HACD3: variants seen among roughly 807,000 people sequenced by gnomAD.
HACD3 encodes very-long-chain (3R)-3-hydroxyacyl-CoA dehydratase 3.
Under a neutral mutation model 55.2 loss-of-function variants are expected in HACD3, and 30 were observed. The observed-to-expected ratio is 0.54, with a 90% CI of 0.41 to 0.74. The LOEUF is 0.74. Ranked by LOEUF, HACD3 falls within the 30% of genes least tolerant of loss-of-function variation. The pLI is 0.00. For synonymous variants in HACD3, 141 were observed against 151.7 expected (o/e 0.93, Z 0.52); for missense variants, 363 against 440.1 (o/e 0.82, Z 1.57).
At chr15:65,574,087 T>C (rs558660133) in intron 10 of HACD3, among the ~76,000 whole-genome samples, 1 of 152,316 alleles carries the variant, frequency 6.6e-6, no homozygotes, top group South Asian at 2.1e-4. Flanking sequence ...TCTATTGCTG[T>C]GTAACAAATG....
intron 2 of HACD3, among the ~76,000 whole-genome samples, chr15:65,552,403 T>G (rs1289190611): frequency 2.0e-5 from 3 of 152,200 alleles, no homozygotes; most frequent in African/African-American, 7.2e-5. Context: ...TGGCATGATT[T>G]CGGCTCACTG....
intron 1 of HACD3, among the ~76,000 whole-genome samples, chr15:65,549,165 C>A (rs352453): frequency 0.95 from 144,683 of 152,314 alleles, 68,715 homozygotes; most frequent in Admixed American, 0.96. Context: ...AAAGTTAACA[C>A]GGTAGAAATG....
intron 1 of HACD3, among the ~76,000 whole-genome samples, chr15:65,544,163 C>G (rs1406314769): frequency 6.6e-6 from 1 of 151,774 alleles, no homozygotes; most frequent in Admixed American, 6.6e-5. Flanking sequence ...GGTGACAGAG[C>G]GGGACTCCAT....
Position 65,578,203 on chromosome 15 carries a change from G to C in HACD3, c.*1824G>C, listed in dbSNP as rs917181335. ...TTCTGATATTCTTGCAGCTGACTAC[G>C]TGTAATTGGGCAGATCAGCTTTGCA... is the stretch of plus-strand genomic sequence containing the variant. On this transcript the variant is annotated 3_prime_UTR_variant, in exon 11 of 11. Transcript: ENST00000261875. 1 of 152,290 alleles carries C rather than the reference G, an allele frequency of 6.6e-6. No individual in the cohort carries two copies. The highest frequency in any genetic ancestry group is 2.1e-4 in the South Asian group (1 of 4,832). The allele number at this position is 152,290 out of a possible 1,614,324, so 9.4% of individuals were successfully genotyped here. A position where few individuals can be genotyped will look rare whatever the true frequency, so the allele number is the denominator to read the frequency against.
intron 6 of HACD3, 72 bp downstream of exon 6, chr15:65,562,956 T>C: frequency 6.4e-7 from 1 of 1,571,246 alleles, no homozygotes; most frequent in Non-Finnish European, 8.7e-7. Context: ...AAGGGAGCAC[T>C]CTCTGCCTTT....
chr15:65,531,551 CTTTCTTTCT>C (rs1001187808), intron 1 of HACD3: 3 of 37,386 alleles, frequency 8.0e-5, no homozygotes, highest in African/African-American at 1.3e-4. Flanking sequence ...TTCTTTCTTT[CTTTCTTTCT>C]TTTTTTTTCT....
At chr15:65,572,437 A>G (rs1333242595) in intron 10 of HACD3, 71 bp downstream of exon 10, 4 of 1,418,712 alleles carry the variant, frequency 2.8e-6, no homozygotes, top group Non-Finnish European at 3.8e-6. Context: ...TCATTCAGAA[A>G]TGTAAAAGTC....
intron 6 of HACD3, 31 bp downstream of exon 6, chr15:65,562,915 C>G (rs968152551): frequency 1.2e-6 from 2 of 1,608,616 alleles, no homozygotes; most frequent in Admixed American, 1.7e-5. Context: ...TTAATTTTCC[C>G]TTTCTCAGTA....
chr15:65,554,208 T>C (rs2072164018), intron 2 of HACD3, among the ~76,000 whole-genome samples: 1 of 152,300 alleles, frequency 6.6e-6, no homozygotes, highest in South Asian at 2.1e-4. Context: ...AAAGTAATTG[T>C]GAAAGTTAAA....
chr15:65,555,884 G>A (rs577263114), intron 3 of HACD3, among the ~76,000 whole-genome samples: 1 of 152,312 alleles, frequency 6.6e-6, no homozygotes, highest in South Asian at 2.1e-4. Flanking sequence ...ATTGGATGCA[G>A]TACCCTTGAG....
intron 1 of HACD3, chr15:65,531,224 TG>T (rs1204891577): frequency 4.9e-4 from 9 of 18,468 alleles, no homozygotes; most frequent in East Asian, 1.1e-3. Context: ...GGGGGAGGGG[TG>T]GGGGGCCACA....
chr15:65,572,731 G>A (rs1042394363), intron 10 of HACD3, among the ~76,000 whole-genome samples: 1 of 151,680 alleles, frequency 6.6e-6, no homozygotes, highest in African/African-American at 2.4e-5. Context: ...CCTGATCAAC[G>A]TGGTGAAACC....
intron 3 of HACD3, among the ~76,000 whole-genome samples, chr15:65,555,654 T>G (rs1002153192): frequency 2.0e-5 from 3 of 152,190 alleles, no homozygotes; most frequent in African/African-American, 7.2e-5. Flanking sequence ...GTCATGGAGC[T>G]TCCTTTGGAG....
intron 1 of HACD3, among the ~76,000 whole-genome samples, chr15:65,549,882 A>G (rs1216657278): frequency 6.6e-6 from 1 of 152,232 alleles, no homozygotes; most frequent in African/African-American, 2.4e-5. Context: ...TCTAAACTTG[A>G]GAACCCTCAA....
At chr15:65,531,621 A>G (rs1388437063) in intron 1 of HACD3, among the ~76,000 whole-genome samples, 1 of 151,548 alleles carries the variant, frequency 6.6e-6, no homozygotes, top group Non-Finnish European at 1.5e-5. Context: ...GCTGGAGTGC[A>G]ATGGCGCGAT....
chr15:65,531,939 T>C lies in HACD3; in HGVS notation c.87+1221T>C, dbSNP rs573896062. Among the ~76,000 whole-genome samples the C allele has an allele frequency of 2.6e-5, 4 of 152,226 alleles. No individual in the cohort carries two copies. The East Asian group carries it at 7.7e-4, about 29-fold the overall frequency. ...CATCTATGGCACTTTGTCATCTCTT[T>C]CACTCCATTTAACTCTCTCTGCCTC... On this transcript the variant is annotated intron_variant, in intron 1 of 10. Transcript: ENST00000261875.
intron 7 of HACD3, among the ~76,000 whole-genome samples, chr15:65,567,930 CTTT>C (rs747363151): frequency 2.3e-5 from 3 of 130,968 alleles, no homozygotes; most frequent in African/African-American, 5.8e-5. Context: ...TAGTTTCTTT[CTTT>C]TTTTTTTTTT....
chr15:65,536,984 A>G (rs1481324557), intron 1 of HACD3, among the ~76,000 whole-genome samples: 1 of 152,242 alleles, frequency 6.6e-6, no homozygotes, highest in East Asian at 1.9e-4. Flanking sequence ...CCCAAATGAT[A>G]AGAAAGCAAA....
At chr15:65,567,883 G>T (rs2072307825) in intron 7 of HACD3, among the ~76,000 whole-genome samples, 1 of 151,786 alleles carries the variant, frequency 6.6e-6, no homozygotes, top group Non-Finnish European at 1.5e-5. Flanking sequence ...TGTTTGCCAG[G>T]GGCTGGCTGA....
Sources: gnomAD v4.1 joint callset for allele counts (sites outside exome capture counted in the v4.1 genomes callset) on GRCh38, gnomAD v4.1.1 for gene constraint, MANE v1.5 for transcripts, NCBI Gene and HGNC (gene_info 2026-07-23, HGNC 2026-07-21) for gene names.